KIF26B: variants seen among roughly 807,000 people sequenced by gnomAD.
The protein encoded by KIF26B is kinesin family member 26B.
KIF26B carries 63 observed loss-of-function variants against 151.2 expected under a neutral mutation model. That is an observed-to-expected ratio of 0.42 (90% CI 0.34 to 0.51). The LOEUF (loss-of-function observed/expected upper bound fraction) is 0.51. Ranked by LOEUF, KIF26B falls within the 20% of genes least tolerant of loss-of-function variation. The pLI is 0.07. For synonymous variants in KIF26B, 1,357 were observed against 1,262.1 expected, an observed-to-expected ratio of 1.08 and a Z score of -1.59; for missense variants, 2,813 against 2,913.6, an observed-to-expected ratio of 0.97 and a Z score of 0.79.
chr1:245,522,944 GTTTTA>G (rs1661160818), intron 4 of KIF26B, among the ~76,000 whole-genome samples: 1 of 152,148 alleles, frequency 6.6e-6, no homozygotes. Flanking sequence ...TCATATTAAT[GTTTTA>G]TTTTAACAAT....
At chr1:245,531,975 C>A (rs1319480856) in intron 4 of KIF26B, among the ~76,000 whole-genome samples, 3 of 152,090 alleles carry the variant, frequency 2.0e-5, no homozygotes, top group Admixed American at 6.5e-5. Context: ...ATGGGGCACA[C>A]CTGTAGTCCT....
rs111259097 is a variant in KIF26B at position 245,413,595 on chromosome 1, G to A, written c.1000-5984G>A. ...GGAGAATCGCTTGAACCCGGAAGGC[G>A]GAGGTTGCAGTGAGCCGAGATTGCA... On this transcript the variant is annotated intron_variant, in intron 3 of 14. Coordinates refer to ENST00000407071, the MANE Select transcript of KIF26B (RefSeq NM_018012.4). Among the ~76,000 whole-genome samples the A allele has an allele frequency of 1.4e-3, 214 of 152,296 alleles. 1 individual carries two copies. The highest frequency in any genetic ancestry group is 4.7e-3 in the African/African-American group (194 of 41,558).
At chr1:245,162,127 C>T (rs567621255) in intron 2 of KIF26B, among the ~76,000 whole-genome samples, 4 of 152,316 alleles carry the variant, frequency 2.6e-5, no homozygotes, top group African/African-American at 9.6e-5. Flanking sequence ...ATCGGCAGGG[C>T]GGCCAGACCT....
intron 9 of KIF26B, among the ~76,000 whole-genome samples, chr1:245,617,493 T>A (rs2043604122): frequency 2.0e-5 from 3 of 152,148 alleles, no homozygotes; most frequent in Non-Finnish European, 4.4e-5. Flanking sequence ...ACTCTGGAGA[T>A]CCATTCTTTG....
At chr1:245,254,599 T>TA (rs1558363443) in intron 2 of KIF26B, among the ~76,000 whole-genome samples, 1 of 152,218 alleles carries the variant, frequency 6.6e-6, no homozygotes, top group East Asian at 1.9e-4. Context: ...AAAGTGCATA[T>TA]AAGAATGGCA....
rs188840005 is a variant in KIF26B, at chr1:245,382,095, C to T, written c.999+14728C>T. ...CTTTTGGATATATCCAGAAGTAGAA[C>T]GGCTGGGTCAAATGGTGGTTCTGTT... On this transcript the variant is annotated intron_variant, in intron 3 of 14. Coordinates refer to ENST00000407071, the MANE Select transcript of KIF26B (RefSeq NM_018012.4). Among the ~76,000 whole-genome samples, 42 of 152,236 alleles carry T rather than the reference C, an allele frequency of 2.8e-4. 1 individual carries two copies. The highest frequency in any genetic ancestry group is 2.0e-3 in the Admixed American group (30 of 15,284).
Position 245,367,377 on chromosome 1 carries a change from C to T in KIF26B, c.999+10C>T. 6.4e-7 allele frequency: 1 copy of T among 1,572,736 alleles called. No individual in the cohort carries two copies. The highest frequency in any genetic ancestry group is 2.3e-5 in the East Asian group (1 of 42,870). ...CCTGTACCCATACCAGGTAAGTAGC[C>T]TGTGTGAGCCAGGAAGAGCAGGGCT... On this transcript the variant is annotated intron_variant, in intron 3 of 14. Coordinates refer to ENST00000407071, the MANE Select transcript of KIF26B (RefSeq NM_018012.4). This position sits in a 1 kb window ranked among gnomAD's most constrained non-coding sequence, Gnocchi z 4.2.
chr1:245,183,752 G>A lies in KIF26B; in HGVS notation c.465+27069G>A, dbSNP rs541548818. Among the ~76,000 whole-genome samples, 8 of 152,148 alleles carry A rather than the reference G, an allele frequency of 5.3e-5. No homozygotes were observed. The South Asian group carries it at 1.7e-3, about 32-fold the overall frequency. On this transcript the variant is annotated intron_variant, in intron 2 of 14. Transcript: ENST00000407071. ...GTGTGAGATGGACTCCAGGGCCTTGGCACTCATCAGAAGAAAGCTTGACCT... is the reference window on the plus strand; with the variant it reads ...GTGTGAGATGGACTCCAGGGCCTTGACACTCATCAGAAGAAAGCTTGACCT...
chr1:245,700,766 C>T (rs1380017181), intron 14 of KIF26B, among the ~76,000 whole-genome samples: 1 of 152,200 alleles, frequency 6.6e-6, no homozygotes, highest in Non-Finnish European at 1.5e-5. Context: ...GGCCTTTCAT[C>T]GAAGGCGCTA....
At chr1:245,264,409 AT>A (rs1419963084) in intron 2 of KIF26B, among the ~76,000 whole-genome samples, 2 of 152,182 alleles carry the variant, frequency 1.3e-5, no homozygotes, top group African/African-American at 4.8e-5. Flanking sequence ...GTGGTTAAAC[AT>A]ATATGCTTCT....
chr1:245,576,548 G>A (rs2043120319), intron 5 of KIF26B, among the ~76,000 whole-genome samples: 1 of 152,212 alleles, frequency 6.6e-6, no homozygotes, highest in Admixed American at 6.5e-5. Context: ...ACGTCCTGGT[G>A]AGAGAGCCTG....
rs1010510 is a variant in KIF26B at position 245,167,174 on chromosome 1, T to C, written c.465+10491T>C. ...GATGGTTCTTACGTGTAAACTTTCT[T>C]TTTATATAATTGTTTTTTTTTTTGC... On this transcript the variant is annotated intron_variant, in intron 2 of 14. Transcript: ENST00000407071. This position sits in a 1 kb window ranked among gnomAD's most constrained non-coding sequence, Gnocchi z 4.2. Among the ~76,000 whole-genome samples the C allele has an allele frequency of 0.013, 1,981 of 151,978 alleles. 51 individuals are homozygous for C. Among genetic ancestry groups the C allele is most frequent in the African/African-American group, 0.045 (1,845 of 41,346 alleles).
chr1:245,256,764 AGACT>A (rs1573736714), intron 2 of KIF26B, among the ~76,000 whole-genome samples: 2 of 152,254 alleles, frequency 1.3e-5, no homozygotes, highest in Non-Finnish European at 2.9e-5. Context: ...TAGAGACTTC[AGACT>A]GACAAAGCGG....
intron 2 of KIF26B, among the ~76,000 whole-genome samples, chr1:245,338,459 A>T (rs970263019): frequency 6.6e-6 from 1 of 152,188 alleles, no homozygotes; most frequent in African/African-American, 2.4e-5. Flanking sequence ...TTTATAGCAG[A>T]AGTTTGCCAG....
chr1:245,377,904 G>C (rs77015534), intron 3 of KIF26B, among the ~76,000 whole-genome samples: 1 of 152,160 alleles, frequency 6.6e-6, no homozygotes, highest in Admixed American at 6.5e-5. Context: ...CTGGAGGGGA[G>C]CCTCTCAAGA....
At chr1:245,309,211 T>C (rs1416851344) in intron 2 of KIF26B, among the ~76,000 whole-genome samples, 2 of 152,176 alleles carry the variant, frequency 1.3e-5, no homozygotes, top group African/African-American at 4.8e-5. Context: ...ATGCTGTCAA[T>C]GACGTTGTGA....
At chr1:245,412,396 G>C (rs910583527) in intron 3 of KIF26B, among the ~76,000 whole-genome samples, 2 of 152,290 alleles carry the variant, frequency 1.3e-5, no homozygotes, top group African/African-American at 4.8e-5. Flanking sequence ...ATTGCTCTCC[G>C]TAGATGTCTC....
In KIF26B at chr1:245,419,692, C is replaced by T. The variant is rs373998722; in HGVS notation, c.1113C>T (p.Cys371=). 46 of 1,613,516 alleles carry T rather than the reference C, an allele frequency of 2.9e-5. No homozygotes were observed. Among genetic ancestry groups the T allele is most frequent in the Middle Eastern group, 3.3e-4 (2 of 6,080 alleles). ...ACSVPASQGS[C]VASETSTGTS... is the part of the protein sequence containing the mutation. ...GTGTCCCAGCCTCGCAGGGCTCCTG[C>T]GTGGCCAGCGAGACTTCCACAGGCA... Residue 371 remains cysteine (C), a synonymous_variant, in exon 4 of 15, where the codon TGC becomes TGT. Coordinates refer to ENST00000407071, the MANE Select transcript of KIF26B (RefSeq NM_018012.4).
chr1:245,462,388 C>A (rs1218412637), intron 4 of KIF26B, among the ~76,000 whole-genome samples: 1 of 152,180 alleles, frequency 6.6e-6, no homozygotes, highest in African/African-American at 2.4e-5. Context: ...TTGAAAAGTT[C>A]ATCTACAATG....
Sources: allele counts gnomAD v4.1 joint callset (sites outside exome capture counted in the v4.1 genomes callset), GRCh38; gene constraint gnomAD v4.1.1; non-coding constraint Gnocchi (gnomAD v3.1); transcripts MANE v1.5; gene names NCBI Gene and HGNC (gene_info 2026-07-23, HGNC 2026-07-21).